The following KIAA0825 variants were observed in gnomAD, a reference collection of about 807,000 sequenced individuals.
KIAA0825 encodes uncharacterized protein KIAA0825.
KIAA0825 carries 119 observed loss-of-function variants against 147.6 expected under a neutral mutation model. The observed-to-expected ratio is 0.81, with a 90% CI of 0.69 to 0.94. The LOEUF (loss-of-function observed/expected upper bound fraction) is 0.94, where lower values mean the gene tolerates loss of function less well. Among genes scored for constraint, KIAA0825 ranks in the 40% least tolerant of loss-of-function variants. The pLI is 0.00. For synonymous variants in KIAA0825, 470 were observed against 518.1 expected (o/e 0.91, Z 1.26); for missense variants, 1,381 against 1,472.7 (o/e 0.94, Z 1.02).
intron 20 of KIAA0825, among the ~76,000 whole-genome samples, chr5:94,234,231 C>T (rs1240094897): frequency 6.6e-6 from 1 of 151,698 alleles, no homozygotes; most frequent in African/African-American, 2.4e-5. Context: ...ATTAGCCGGG[C>T]GTGGTGGCGG....
At chr5:94,393,951 C>T (rs758578214) in intron 17 of KIAA0825, among the ~76,000 whole-genome samples, 43 of 151,652 alleles carry the variant, frequency 2.8e-4, no homozygotes, top group South Asian at 6.2e-4. Context: ...CGGGTTCAAG[C>T]GATTCTCCTG....
At chr5:94,612,131 T>A (rs556294820) in intron 1 of KIAA0825, among the ~76,000 whole-genome samples, 5 of 152,280 alleles carry the variant, frequency 3.3e-5, no homozygotes, top group African/African-American at 1.2e-4. Flanking sequence ...AACAAAACCG[T>A]ATTATAAAAT....
chr5:94,516,532 G>A (rs996614891), intron 5 of KIAA0825, among the ~76,000 whole-genome samples: 2 of 152,172 alleles, frequency 1.3e-5, no homozygotes, highest in East Asian at 1.9e-4. Flanking sequence ...GGCCGGGCGC[G>A]GTGGCTCACG....
chr5:94,554,787 CAGAT>C (rs1161357427), intron 2 of KIAA0825, among the ~76,000 whole-genome samples: 8 of 127,320 alleles, frequency 6.3e-5, no homozygotes, highest in African/African-American at 1.2e-4. Flanking sequence ...TTAACATAAA[CAGAT>C]AGATAATATT....
At chr5:94,529,405 C>CTCATATATGTATATATCACATGTATATA (rs1770279665) in intron 3 of KIAA0825, among the ~76,000 whole-genome samples, 1 of 97,464 alleles carries the variant, frequency 1.0e-5, no homozygotes, top group Non-Finnish European at 2.3e-5. Flanking sequence ...ATATGTATAT[C>CTCATATATGTATATATCACATGTATATA]TCATATATGT....
rs762738734 is a variant in KIAA0825 at position 94,484,898 on chromosome 5, A to T, written c.1003T>A (p.Phe335Ile). 6.6e-7 allele frequency: 1 copy of T among 1,524,312 alleles called. No individual in the cohort carries two copies. The highest frequency in any genetic ancestry group is 8.9e-7 in the Non-Finnish European group (1 of 1,128,526). 94.4% of individuals were successfully genotyped at this position (1,524,312 alleles called of 1,614,324 possible). A position where few individuals can be genotyped will look rare whatever the true frequency, so the allele number is the denominator to read the frequency against. The change falls in exon 6 of 21, where the codon TTC (phenylalanine) becomes ATC (isoleucine). Residue 335 changes from phenylalanine to isoleucine, a missense_variant. Phe to Ile is a conservative substitution (Grantham distance 21). Coordinates refer to ENST00000682413, the MANE Select transcript of KIAA0825 (RefSeq NM_001145678.3). Reference sequence around the variant, plus strand: ...TCGACTTTGTCTAAAGGGAGAGAGAAGTTTCTTCCTTTCTGTGGGCATTCA... The same window carrying T: ...TCGACTTTGTCTAAAGGGAGAGAGATGTTTCTTCCTTTCTGTGGGCATTCA... ...TTECPQKGRN[F>I]SLPLDKVEFL...
At chr5:94,285,504 T>C (rs963166003) in intron 20 of KIAA0825, among the ~76,000 whole-genome samples, 1 of 152,182 alleles carries the variant, frequency 6.6e-6, no homozygotes, top group East Asian at 1.9e-4. Flanking sequence ...TTGAGAAAGA[T>C]ACAAAATTGC....
At position 94,551,791 on chromosome 5, in the gene KIAA0825, GAGAA is replaced by G. The variant is rs564528953; in HGVS notation, c.-1-14668_-1-14665del. Among the ~76,000 whole-genome samples, 28 of 151,740 alleles carry G rather than the reference GAGAA, an allele frequency of 1.8e-4. 1 individual carries two copies. Among genetic ancestry groups the G allele is most frequent in the African/African-American group, 6.5e-4 (27 of 41,382 alleles). On this transcript the variant is annotated intron_variant, in intron 2 of 20. Transcript: ENST00000682413. ...ATTATAGAACTCACTGGTAGAAAAG[GAGAA>G]AGAAAAAGGAATCAAACTTTAACAC...
intron 2 of KIAA0825, among the ~76,000 whole-genome samples, chr5:94,563,731 A>AT (rs1336709672): frequency 6.6e-6 from 1 of 151,998 alleles, no homozygotes; most frequent in Non-Finnish European, 1.5e-5. Context: ...TTCACCCAGG[A>AT]TGGGGTGCAA....
chr5:94,339,712 A>T (rs1782171546), intron 20 of KIAA0825, among the ~76,000 whole-genome samples: 1 of 152,196 alleles, frequency 6.6e-6, no homozygotes, highest in African/African-American at 2.4e-5. Context: ...ACATCAACTC[A>T]GTCAGTTTGG....
intron 1 of KIAA0825, among the ~76,000 whole-genome samples, chr5:94,597,075 C>T (rs1785445065): frequency 6.6e-6 from 1 of 152,084 alleles, no homozygotes; most frequent in Admixed American, 6.6e-5. Flanking sequence ...TTCTTTCTTT[C>T]TCTTGCCTTA....
At chr5:94,336,607 CT>C (rs1444663388) in intron 20 of KIAA0825, among the ~76,000 whole-genome samples, 1 of 152,142 alleles carries the variant, frequency 6.6e-6, no homozygotes, top group African/African-American at 2.4e-5. Flanking sequence ...TTTTTTATGG[CT>C]GCATAGTATT....
intron 20 of KIAA0825, among the ~76,000 whole-genome samples, chr5:94,174,376 T>C (rs913335658): frequency 6.6e-6 from 1 of 152,084 alleles, no homozygotes; most frequent in Non-Finnish European, 1.5e-5. Flanking sequence ...CAAGTAAATA[T>C]ATATATATAT....
chr5:94,155,129 A>G (rs887376260), intron 20 of KIAA0825, among the ~76,000 whole-genome samples: 2 of 152,092 alleles, frequency 1.3e-5, no homozygotes, highest in Admixed American at 1.3e-4. Flanking sequence ...CTCCCAGACA[A>G]CAAATAGTCT....
chr5:94,259,680 T>C (rs1288144421), intron 20 of KIAA0825, among the ~76,000 whole-genome samples: 2 of 152,064 alleles, frequency 1.3e-5, no homozygotes, highest in African/African-American at 2.4e-5. Flanking sequence ...TTTATTTATA[T>C]GACCTCAAGC....
chr5:94,362,800 T>C (rs758064100), intron 20 of KIAA0825, among the ~76,000 whole-genome samples: 81 of 152,338 alleles, frequency 5.3e-4, no homozygotes, highest in Non-Finnish European at 4.4e-5. Context: ...GATTTATCTA[T>C]TTACTCAAAG....
intron 20 of KIAA0825, among the ~76,000 whole-genome samples, chr5:94,187,318 GA>G (rs755718941): frequency 7.0e-6 from 1 of 143,048 alleles, no homozygotes; most frequent in African/African-American, 2.6e-5. Flanking sequence ...GAACTGTTGT[GA>G]AATTAGGGAT....
At chr5:94,329,281 T>A (rs973059006) in intron 20 of KIAA0825, among the ~76,000 whole-genome samples, 2 of 151,912 alleles carry the variant, frequency 1.3e-5, no homozygotes, top group Non-Finnish European at 2.9e-5. Flanking sequence ...ATAATTGGTG[T>A]CCCTAAAGAA....
chr5:94,515,117 A>G (rs1007034820), intron 5 of KIAA0825, among the ~76,000 whole-genome samples: 1 of 152,222 alleles, frequency 6.6e-6, no homozygotes, highest in Non-Finnish European at 1.5e-5. Context: ...TCATATTAAA[A>G]TACAGAGGAT....
Sources: gnomAD v4.1 joint callset for allele counts (sites outside exome capture counted in the v4.1 genomes callset) on GRCh38, gnomAD v4.1.1 for gene constraint, MANE v1.5 for transcripts, NCBI Gene and HGNC (gene_info 2026-07-23, HGNC 2026-07-21) for gene names.